The following FAM117A variants were observed in gnomAD, a reference collection of about 807,000 sequenced individuals.
The protein encoded by FAM117A is protein FAM117A.
FAM117A carries 21 observed loss-of-function variants against 44.1 expected under a neutral mutation model. The ratio of observed to expected loss-of-function variants is 0.48; its 90% CI spans 0.34 to 0.69. FAM117A has a LOEUF of 0.69. Among genes scored for constraint, FAM117A ranks in the 30% least tolerant of loss-of-function variants. FAM117A has a pLI of 0.01. For synonymous variants in FAM117A, 220 were observed against 238.3 expected, an observed-to-expected ratio of 0.92 and a Z score of 0.71; for missense variants, 498 against 589.9, an observed-to-expected ratio of 0.84 and a Z score of 1.61.
chr17:49,727,395 G>A (rs1477693772), intron 2 of FAM117A, among the ~76,000 whole-genome samples: 2 of 152,196 alleles, frequency 1.3e-5, no homozygotes, highest in Non-Finnish European at 2.9e-5. Flanking sequence ...GCGACAGGGC[G>A]AGACTCTGTT....
chr17:49,748,729 A>C (rs2143765439), intron 1 of FAM117A, among the ~76,000 whole-genome samples: 1 of 152,362 alleles, frequency 6.6e-6, no homozygotes, highest in African/African-American at 2.4e-5. Flanking sequence ...AAAGATTTTC[A>C]GGAAAATGTT....
At chr17:49,737,935 G>C (rs1411336980) in intron 1 of FAM117A, among the ~76,000 whole-genome samples, 1 of 152,194 alleles carries the variant, frequency 6.6e-6, no homozygotes, top group African/African-American at 2.4e-5. Flanking sequence ...AGGCTGCTGG[G>C]ACACCTGCCT....
At chr17:49,728,635 C>G (rs996051451) in intron 2 of FAM117A, among the ~76,000 whole-genome samples, 11 of 152,116 alleles carry the variant, frequency 7.2e-5, no homozygotes, top group African/African-American at 2.7e-4. Context: ...GAGACCACTT[C>G]CTCCCTCCAG....
At chr17:49,740,753 C>T (rs562013400) in intron 1 of FAM117A, among the ~76,000 whole-genome samples, 1 of 152,336 alleles carries the variant, frequency 6.6e-6, no homozygotes, top group South Asian at 2.1e-4. Context: ...CTCTGCTATT[C>T]CCAATATCCC....
At chr17:49,774,660 C>T (rs1447993621) in intron 1 of FAM117A, among the ~76,000 whole-genome samples, 1 of 152,112 alleles carries the variant, frequency 6.6e-6, no homozygotes, top group Admixed American at 6.6e-5. Context: ...GCTCTGTCAA[C>T]TCTGGTATTC....
chr17:49,758,641 AT>A (rs1345031721), intron 1 of FAM117A, among the ~76,000 whole-genome samples: 39 of 43,020 alleles, frequency 9.1e-4, no homozygotes, highest in Admixed American at 3.2e-3. Flanking sequence ...AAAAAATAAA[AT>A]AAATAAATAA....
chr17:49,714,415 G>A (rs1421439466), intron 7 of FAM117A, among the ~76,000 whole-genome samples: 2 of 149,350 alleles, frequency 1.3e-5, no homozygotes, highest in African/African-American at 5.0e-5. Flanking sequence ...TCAGCTCACT[G>A]CAATCTCCAC....
intron 1 of FAM117A, among the ~76,000 whole-genome samples, chr17:49,745,118 A>C (rs542630965): frequency 6.6e-6 from 1 of 152,250 alleles, no homozygotes; most frequent in African/African-American, 2.4e-5. Flanking sequence ...ACAGATACAG[A>C]ACCCACAGAT....
chr17:49,723,996 G>T (rs1190448445), intron 2 of FAM117A, among the ~76,000 whole-genome samples: 1 of 152,116 alleles, frequency 6.6e-6, no homozygotes, highest in African/African-American at 2.4e-5. Context: ...TTAGGAAAAG[G>T]GCAGACAGCA....
chr17:49,776,361 G>GCTCTTCTGTTGGA (rs2073775547), intron 1 of FAM117A, among the ~76,000 whole-genome samples: 1 of 152,144 alleles, frequency 6.6e-6, no homozygotes, highest in African/African-American at 2.4e-5. Context: ...CTACTGAGGG[G>GCTCTTCTGTTGGA]CTCAGTGGAC....
intron 1 of FAM117A, among the ~76,000 whole-genome samples, chr17:49,753,739 G>A (rs1048159639): frequency 1.3e-5 from 2 of 152,146 alleles, no homozygotes; most frequent in Non-Finnish European, 2.9e-5. Context: ...AGCAGAGATT[G>A]TGCCACTGCA....
intron 2 of FAM117A, chr17:49,732,278 A>AC (rs2073588652): frequency 3.7e-6 from 1 of 270,042 alleles, no homozygotes; most frequent in African/African-American, 2.1e-5. Context: ...GGTAGCAGGC[A>AC]CCTGTAATCC....
chr17:49,786,619 A>C (rs979866709), intron 1 of FAM117A, among the ~76,000 whole-genome samples: 1 of 152,154 alleles, frequency 6.6e-6, no homozygotes, highest in African/African-American at 2.4e-5. Context: ...TCTACTAAAA[A>C]TACAAAAAGT....
intron 1 of FAM117A, among the ~76,000 whole-genome samples, chr17:49,775,482 G>A (rs1372715243): frequency 6.6e-6 from 1 of 152,114 alleles, no homozygotes; most frequent in East Asian, 1.9e-4. Context: ...AGTCCCAAAG[G>A]GCTGACTGAC....
intron 5 of FAM117A, among the ~76,000 whole-genome samples, chr17:49,719,338 T>A (rs1456286047): frequency 6.6e-6 from 1 of 151,606 alleles, no homozygotes; most frequent in Non-Finnish European, 1.5e-5. Flanking sequence ...GGGAGAAGGC[T>A]GCATAGGAGC....
intron 1 of FAM117A, 193 bp from the exon 2 acceptor site, chr17:49,732,913 G>T: frequency 1.7e-6 from 1 of 590,920 alleles, no homozygotes; most frequent in Non-Finnish European, 3.0e-6. Context: ...TACTCAGCCA[G>T]CCTTTATCAT....
Position 49,721,600 on chromosome 17 carries a change from G to A in FAM117A, c.462+899C>T, listed in dbSNP as rs371289776. On this transcript the variant is annotated intron_variant, in intron 3 of 7. Transcript: ENST00000240364. ...AGAAGCAACTTCCTCTTGTAAAGGC[G>A]TGCAGGGTGAGTCCTATCGAGTTGA... Among the ~76,000 whole-genome samples, 11 of 152,308 alleles carry A rather than the reference G, an allele frequency of 7.2e-5. 1 individual carries two copies. The East Asian group carries it at 1.5e-3, about 21-fold the overall frequency.
chr17:49,778,974 G>A (rs1393767130), intron 1 of FAM117A, among the ~76,000 whole-genome samples: 1 of 152,204 alleles, frequency 6.6e-6, no homozygotes, highest in Non-Finnish European at 1.5e-5. Flanking sequence ...TGGTATTTGA[G>A]CTGAGATCTG....
chr17:49,733,941 G>A (rs2073598246), intron 1 of FAM117A, among the ~76,000 whole-genome samples: 1 of 151,776 alleles, frequency 6.6e-6, no homozygotes, highest in Admixed American at 6.6e-5. Context: ...AGGAGATTGA[G>A]ACTATCCTAG....
Sources: allele counts gnomAD v4.1 joint callset (sites outside exome capture counted in the v4.1 genomes callset), GRCh38; gene constraint gnomAD v4.1.1; transcripts MANE v1.5; gene names NCBI Gene and HGNC (gene_info 2026-07-23, HGNC 2026-07-21).